The following KANSL2 variants were observed in gnomAD, a reference collection of about 807,000 sequenced individuals.
KANSL2 encodes KAT8 regulatory NSL complex subunit 2, also known as NSL complex protein NSL2.
KANSL2 carries 34 observed loss-of-function variants against 55.6 expected under a neutral mutation model. That is an observed-to-expected ratio of 0.61 (90% CI 0.46 to 0.81). KANSL2 has a LOEUF of 0.81. KANSL2 is among the 40% of genes least tolerant of loss of function. KANSL2 has a pLI of 0.00. For synonymous variants in KANSL2, 209 were observed against 214.3 expected (o/e 0.98, Z 0.22); for missense variants, 502 against 609.9 (o/e 0.82, Z 1.86).
At chr12:48,674,697 G>A (rs960183503) in intron 4 of KANSL2, among the ~76,000 whole-genome samples, 13 of 152,146 alleles carry the variant, frequency 8.5e-5, no homozygotes, top group African/African-American at 3.1e-4. Flanking sequence ...AGGCCAAGGT[G>A]GGTGGATCAC....
intron 8 of KANSL2, among the ~76,000 whole-genome samples, chr12:48,657,569 A>C (rs940798488): frequency 6.6e-6 from 1 of 151,954 alleles, no homozygotes. Flanking sequence ...TAAGACTATA[A>C]ATCTGTTTTC....
chr12:48,666,394 T>TA (rs71080135), intron 7 of KANSL2, among the ~76,000 whole-genome samples: 5,431 of 131,706 alleles, frequency 0.041, 98 homozygotes, highest in Middle Eastern at 0.063. Context: ...CTACAAAAAA[T>TA]AAAAAAAAAA....
chr12:48,660,271 G>A (rs933841944), intron 8 of KANSL2, 95 bp downstream of exon 8: 3 of 1,348,644 alleles, frequency 2.2e-6, no homozygotes, highest in Middle Eastern at 1.9e-4. Context: ...AAACTTTGTC[G>A]ATTCTCCTAA....
intron 9 of KANSL2, 85 bp downstream of exon 9, chr12:48,654,856 C>T: frequency 1.4e-6 from 2 of 1,406,644 alleles, no homozygotes; most frequent in Non-Finnish European, 1.9e-6. Flanking sequence ...CACTCCCCTC[C>T]AGGAGCACAT....
At chr12:48,659,472 A>G (rs768578064) in intron 8 of KANSL2, among the ~76,000 whole-genome samples, 2 of 151,982 alleles carry the variant, frequency 1.3e-5, no homozygotes, top group Non-Finnish European at 2.9e-5. Flanking sequence ...AAAAATAAAA[A>G]ATTGGCTGGG....
chr12:48,662,657 G>A (rs1375026233), intron 7 of KANSL2: 1 of 1,287,032 alleles, frequency 7.8e-7, no homozygotes, highest in East Asian at 5.6e-5. Context: ...ATCTTTCTCT[G>A]GGATAAGGAC....
rs1442100182 is a variant in KANSL2 at position 48,682,207 on chromosome 12, G to T, written c.-30C>A. 3 of 658,566 alleles carry T rather than the reference G, an allele frequency of 4.6e-6. No homozygotes were observed. The highest frequency in any genetic ancestry group is 2.7e-5 in the East Asian group (1 of 36,832). The allele number at this position is 658,566 out of a possible 1,614,324, so 40.8% of individuals were successfully genotyped here. The stretch of plus-strand genomic sequence containing the variant: ...CTTACCTCAGGAGCTGCGCTGCGCC[G>T]CACTCTGCCGCGCCGCTCGCCCTTC... On this transcript the variant is annotated 5_prime_UTR_variant, in exon 1 of 10. Transcript: ENST00000420613.
intron 5 of KANSL2, among the ~76,000 whole-genome samples, chr12:48,670,955 TTC>T (rs1345944801): frequency 6.6e-6 from 1 of 151,094 alleles, no homozygotes; most frequent in African/African-American, 2.4e-5. Flanking sequence ...CACAGCAAGA[TTC>T]TGTCTCTTTA....
At chr12:48,657,642 G>A (rs1309991568) in intron 8 of KANSL2, among the ~76,000 whole-genome samples, 2 of 151,776 alleles carry the variant, frequency 1.3e-5, no homozygotes, top group Non-Finnish European at 2.9e-5. Context: ...GTGAGACAGA[G>A]TTTCACTCTT....
intron 7 of KANSL2, among the ~76,000 whole-genome samples, chr12:48,664,089 A>G (rs112413620): frequency 0.012 from 1,863 of 151,272 alleles, 45 homozygotes; most frequent in African/African-American, 0.044. Flanking sequence ...TAATTTTTGT[A>G]TATTTAGTAG....
At chr12:48,663,699 G>C (rs1939531066) in intron 7 of KANSL2, among the ~76,000 whole-genome samples, 1 of 152,038 alleles carries the variant, frequency 6.6e-6, no homozygotes, top group Non-Finnish European at 1.5e-5. Flanking sequence ...CAATATATAA[G>C]ACATATAAAC....
intron 7 of KANSL2, among the ~76,000 whole-genome samples, chr12:48,663,940 CAG>C (rs1267585004): frequency 3.6e-5 from 4 of 110,398 alleles, no homozygotes; most frequent in East Asian, 3.3e-4. Flanking sequence ...TTTTTTGAGA[CAG>C]AGTCTCACTC....
chr12:48,653,916 T>G lies in KANSL2; in HGVS notation c.*128A>C. ...CTCAAAATTTGGCTTTACGTTTGAC[T>G]ATAATACTCAATCCAGAAGAAAAAC... is the stretch of plus-strand genomic sequence containing the variant. On this transcript the variant is annotated 3_prime_UTR_variant, in exon 10 of 10. Coordinates refer to ENST00000420613, the MANE Select transcript of KANSL2 (RefSeq NM_017822.4). 1.9e-6 allele frequency: 2 copies of G among 1,032,086 alleles called. No individual in the cohort carries two copies. The highest frequency in any genetic ancestry group is 2.7e-6 in the Non-Finnish European group (2 of 738,860). 63.9% of individuals were successfully genotyped at this position (1,032,086 alleles called of 1,614,324 possible).
chr12:48,653,881 G>T lies in KANSL2; in HGVS notation c.*163C>A. 1 of 553,640 alleles carries T rather than the reference G, an allele frequency of 1.8e-6. No homozygotes were observed. Among genetic ancestry groups the T allele is most frequent in the Non-Finnish European group, 3.0e-6 (1 of 336,048 alleles). 34.3% of individuals were successfully genotyped at this position (553,640 alleles called of 1,614,324 possible). On this transcript the variant is annotated 3_prime_UTR_variant, in exon 10 of 10. Coordinates refer to ENST00000420613, the MANE Select transcript of KANSL2 (RefSeq NM_017822.4). ...TTGCCCTGAGTGGGAAGAAACCCAC[G>T]GTCCACGTCCTCAAAATTTGGCTTT...
chr12:48,660,026 T>G (rs1283886880), intron 8 of KANSL2, among the ~76,000 whole-genome samples: 3 of 152,166 alleles, frequency 2.0e-5, no homozygotes, highest in Non-Finnish European at 4.4e-5. Context: ...GGTACTGAGT[T>G]TCTTTTGGAG....
intron 7 of KANSL2, among the ~76,000 whole-genome samples, chr12:48,665,905 TAA>T (rs1183295665): frequency 6.6e-6 from 1 of 152,184 alleles, no homozygotes; most frequent in African/African-American, 2.4e-5. Flanking sequence ...GCACAGTGAC[TAA>T]GTGTTATCAC....
intron 8 of KANSL2, among the ~76,000 whole-genome samples, chr12:48,656,406 T>C (rs1350315520): frequency 1.3e-5 from 2 of 151,720 alleles, no homozygotes; most frequent in Admixed American, 1.3e-4. Flanking sequence ...CCCCAGTAGC[T>C]GGGACTATGG....
At chr12:48,676,044 G>T (rs960615511) in intron 4 of KANSL2, among the ~76,000 whole-genome samples, 1 of 152,132 alleles carries the variant, frequency 6.6e-6, no homozygotes, top group African/African-American at 2.4e-5. Context: ...AAAGGGAAAT[G>T]AAAATTTAAC....
At chr12:48,657,317 C>G (rs1343648108) in intron 8 of KANSL2, among the ~76,000 whole-genome samples, 1 of 152,126 alleles carries the variant, frequency 6.6e-6, no homozygotes, top group African/African-American at 2.4e-5. Flanking sequence ...CCCAGCTACT[C>G]AGGACACTGA....
Sources: allele counts gnomAD v4.1 joint callset (sites outside exome capture counted in the v4.1 genomes callset), GRCh38; gene constraint gnomAD v4.1.1; transcripts MANE v1.5; gene names NCBI Gene and HGNC (gene_info 2026-07-23, HGNC 2026-07-21).